NRXN3: variants seen among roughly 807,000 people sequenced by gnomAD.
NRXN3 encodes neurexin 3, also known as neurexin III.
NRXN3 carries 32 observed loss-of-function variants against 137.6 expected under a neutral mutation model. That is an observed-to-expected ratio of 0.23 (90% CI 0.18 to 0.31). The LOEUF is 0.31. NRXN3 is among the 10% of genes least tolerant of loss of function. NRXN3 has a pLI of 1.00. For synonymous variants in NRXN3, 798 were observed against 784.5 expected (o/e 1.02, Z -0.29); for missense variants, 1,574 against 2,062.5 (o/e 0.76, Z 4.59).
At chr14:78,868,013 TTTA>T (rs1453530268) in intron 10 of NRXN3, among the ~76,000 whole-genome samples, 28 of 148,170 alleles carry the variant, frequency 1.9e-4, no homozygotes, top group African/African-American at 5.4e-4. Context: ...CATATATAAA[TTTA>T]TTATAAATTT....
intron 10 of NRXN3, among the ~76,000 whole-genome samples, chr14:78,866,248 G>A (rs558175007): frequency 3.0e-4 from 46 of 152,146 alleles, no homozygotes; most frequent in African/African-American, 1.1e-3. Context: ...AAAAAATGAC[G>A]TTTTCATCAT....
chr14:78,479,429 C>T (rs1368091440), intron 4 of NRXN3, among the ~76,000 whole-genome samples: 1 of 152,212 alleles, frequency 6.6e-6, no homozygotes, highest in Non-Finnish European at 1.5e-5. Context: ...ATTTCTAACA[C>T]ATCCTTGGGT....
chr14:78,931,135 A>AT (rs1334836087), intron 10 of NRXN3, among the ~76,000 whole-genome samples: 7 of 151,792 alleles, frequency 4.6e-5, no homozygotes, highest in Middle Eastern at 3.4e-3. Flanking sequence ...CACAACATGA[A>AT]TTTTTTTTTC....
intron 8 of NRXN3, among the ~76,000 whole-genome samples, chr14:78,789,361 AG>A: frequency 6.6e-6 from 1 of 152,094 alleles, no homozygotes; most frequent in Non-Finnish European, 1.5e-5. Context: ...TTCCCCCTAA[AG>A]GGCATTTGGA....
chr14:78,372,108 T>C (rs1211720713), intron 4 of NRXN3, among the ~76,000 whole-genome samples: 1 of 151,966 alleles, frequency 6.6e-6, no homozygotes, highest in African/African-American at 2.4e-5. Context: ...TTTATTTTCT[T>C]TCTTTTTTTT....
At chr14:78,565,541 G>C (rs1192339713) in intron 4 of NRXN3, among the ~76,000 whole-genome samples, 1 of 152,186 alleles carries the variant, frequency 6.6e-6, no homozygotes, top group Non-Finnish European at 1.5e-5. Context: ...AGTTTGTTCT[G>C]TCTCTGCCAT....
At chr14:78,973,118 G>C (rs1323701093) in intron 14 of NRXN3, among the ~76,000 whole-genome samples, 1 of 152,160 alleles carries the variant, frequency 6.6e-6, no homozygotes, top group African/African-American at 2.4e-5. Flanking sequence ...AGACCTCATG[G>C]GGGAAGAAAC....
intron 4 of NRXN3, among the ~76,000 whole-genome samples, chr14:78,404,351 T>A (rs1365897702): frequency 1.3e-5 from 2 of 152,128 alleles, no homozygotes; most frequent in East Asian, 3.9e-4. Flanking sequence ...TCTTAGGTTA[T>A]TTCTTGTGAG....
In NRXN3 at chr14:78,180,309, C is replaced by T. The variant is rs181446033; in HGVS notation, c.-704+9635C>T. On this transcript the variant is annotated intron_variant, in intron 1 of 20. Coordinates refer to ENST00000335750, the MANE Select transcript of NRXN3 (RefSeq NM_001330195.2). ...TTGAAAATATCTGAGGTTGGAAGAA[C>T]AGCCACCTAGAGTCCCAAGCCCCTT... 1.5e-3 allele frequency among the ~76,000 whole-genome samples: 227 copies of T among 152,136 alleles called. 3 individuals are homozygous for T. The highest frequency in any genetic ancestry group is 1.1e-3 in the Non-Finnish European group (77 of 68,006).
intron 1 of NRXN3, among the ~76,000 whole-genome samples, chr14:78,235,228 T>A (rs189088898): frequency 7.6e-4 from 116 of 152,068 alleles, no homozygotes; most frequent in African/African-American, 2.7e-3. Context: ...TCATGATCTC[T>A]TGGAGTCCCT....
chr14:79,653,839 A>C (rs1015116307), intron 16 of NRXN3, among the ~76,000 whole-genome samples: 2 of 152,194 alleles, frequency 1.3e-5, no homozygotes, highest in Non-Finnish European at 2.9e-5. Flanking sequence ...TAGGCAGTAA[A>C]GGACAGCAGA....
intron 16 of NRXN3, among the ~76,000 whole-genome samples, chr14:79,494,351 A>G (rs2096745763): frequency 6.6e-6 from 1 of 152,228 alleles, no homozygotes. Context: ...AAAGGGGGTC[A>G]GTAACTCTGG....
intron 1 of NRXN3, among the ~76,000 whole-genome samples, chr14:78,199,131 A>G (rs915970381): frequency 6.6e-6 from 1 of 152,214 alleles, no homozygotes; most frequent in Admixed American, 6.5e-5. Context: ...GTAGATATCT[A>G]GAAAACATCA....
intron 16 of NRXN3, among the ~76,000 whole-genome samples, chr14:79,563,663 TA>T (rs5809943): frequency 0.6 from 85,072 of 142,146 alleles, 26,474 homozygotes; most frequent in Non-Finnish European, 0.7. Context: ...CAAATAATGT[TA>T]AAAAAAAAAA....
intron 15 of NRXN3, among the ~76,000 whole-genome samples, chr14:79,284,140 C>T (rs550381712): frequency 2.7e-5 from 4 of 150,614 alleles, no homozygotes; most frequent in East Asian, 2.0e-4. Context: ...ATTACATAAG[C>T]AACTTTTGTA....
intron 16 of NRXN3, among the ~76,000 whole-genome samples, chr14:79,560,517 T>TTTTTTTTTTTTG (rs2097484362): frequency 1.6e-5 from 2 of 125,972 alleles, no homozygotes; most frequent in African/African-American, 5.9e-5. Flanking sequence ...TTTTTTTTTT[T>TTTTTTTTTTTTG]TTTTTTTTTT....
rs554702026 is a variant in NRXN3, at chr14:78,628,627, G to A, written c.758-16493G>A. Reference sequence around the variant, plus strand: ...GCTCTCCCTGGCCAACCCCAGTAATGGTTGGGTACAAAGAGGAATTGGGGT... The same window carrying A: ...GCTCTCCCTGGCCAACCCCAGTAATAGTTGGGTACAAAGAGGAATTGGGGT... On this transcript the variant is annotated intron_variant, in intron 4 of 20. Coordinates refer to ENST00000335750, the MANE Select transcript of NRXN3 (RefSeq NM_001330195.2). 2.0e-5 allele frequency among the ~76,000 whole-genome samples: 3 copies of A among 152,300 alleles called. No homozygotes were observed. The South Asian group carries it at 6.2e-4, about 32-fold the overall frequency.
intron 16 of NRXN3, among the ~76,000 whole-genome samples, chr14:79,613,533 A>T (rs1034250810): frequency 6.6e-6 from 1 of 152,206 alleles, no homozygotes; most frequent in African/African-American, 2.4e-5. Context: ...CAAATAGATA[A>T]CTCACATTAG....
chr14:79,154,004 A>G (rs1365420855), intron 15 of NRXN3, among the ~76,000 whole-genome samples: 1 of 152,004 alleles, frequency 6.6e-6, no homozygotes, highest in Non-Finnish European at 1.5e-5. Flanking sequence ...CATTGCCCAA[A>G]GAGCGAAGAG....
Sources: allele counts gnomAD v4.1 joint callset (sites outside exome capture counted in the v4.1 genomes callset), GRCh38; gene constraint gnomAD v4.1.1; transcripts MANE v1.5; gene names NCBI Gene and HGNC (gene_info 2026-07-23, HGNC 2026-07-21).